RAPSN: variants seen among roughly 807,000 people sequenced by gnomAD.
RAPSN encodes the protein 43 kDa receptor-associated protein of the synapse.
In RAPSN, 33 loss-of-function variants were observed where a neutral mutation model predicts 45.7. The ratio of observed to expected loss-of-function variants is 0.72; its 90% CI spans 0.55 to 0.97. The LOEUF is 0.97. Among genes scored for constraint, RAPSN ranks in the 50% least tolerant of loss-of-function variants. RAPSN has a pLI of 0.00. For synonymous variants in RAPSN, 244 were observed against 233.6 expected (o/e 1.04, Z -0.40); for missense variants, 519 against 559.4 (o/e 0.93, Z 0.73).
intron 2 of RAPSN, among the ~76,000 whole-genome samples, chr11:47,447,430 T>G (rs1458489176): frequency 6.6e-6 from 1 of 152,212 alleles, no homozygotes; most frequent in Non-Finnish European, 1.5e-5. Context: ...ATTTGATGAC[T>G]GACTCCATAC....
chr11:47,438,194 C>CA (rs1759154685), intron 7 of RAPSN, 147 bp from the exon 8 acceptor site: 1 of 964,412 alleles, frequency 1.0e-6, no homozygotes, highest in African/African-American at 1.6e-5. Context: ...ACGGTCCCCC[C>CA]AGGCTCCCAC....
intron 6 of RAPSN, among the ~76,000 whole-genome samples, 189 bp downstream of exon 6, chr11:47,440,970 C>T (rs1238163479): frequency 6.6e-6 from 1 of 152,200 alleles, no homozygotes; most frequent in African/African-American, 2.4e-5. Flanking sequence ...AGCTATGAAA[C>T]TTCTGCCCTG....
In RAPSN at chr11:47,448,953, G is replaced by C. The variant is rs765677423; in HGVS notation, c.12C>G (p.Asp4Glu). MGQ[D>E]QTKQQIEKGL... ...CCTTCTCGATCTGCTGCTTGGTCTG[G>C]TCCTGCCCCATCCTCCCCAAGCCCT... The change falls in exon 1 of 8, where the codon GAC becomes GAG. Residue 4 changes from aspartate (D) to glutamate (E), a missense_variant. Physicochemically the swap from Asp to Glu is conservative, Grantham distance 45. Transcript: ENST00000298854. 6.2e-7 allele frequency: 1 copy of C among 1,614,230 alleles called. No homozygotes were observed. Among genetic ancestry groups the C allele is most frequent in the South Asian group, 1.1e-5 (1 of 91,086 alleles).
intron 1 of RAPSN, 73 bp from the exon 2 acceptor site, chr11:47,448,223 GCTCAGAC>G: frequency 1.2e-5 from 19 of 1,520,308 alleles, no homozygotes; most frequent in African/African-American, 2.7e-5. Flanking sequence ...TGCACTGCAG[GCTCAGAC>G]CTGGAGGCCC....
rs1335659789 is a variant in RAPSN, at chr11:47,447,833, G to T, written c.510C>A (p.Gly170=). The change falls in exon 2 of 8, where the codon GGC becomes GGA. Residue 170 remains glycine (G), a synonymous_variant. Coordinates refer to ENST00000298854, the MANE Select transcript of RAPSN (RefSeq NM_005055.5). ...CCACCTTGACCTGGGCATAGAAGCT[G>T]CCCAGGCTGCAGCACACGCGGCACT... ...MLECRVCCSL[G]SFYAQVKDYE... is the part of the protein sequence containing the mutation. 1.9e-6 allele frequency: 3 copies of T among 1,612,920 alleles called. No individual in the cohort carries two copies.
At chr11:47,444,621 G>A (rs1042238026) in intron 2 of RAPSN, among the ~76,000 whole-genome samples, 1 of 151,816 alleles carries the variant, frequency 6.6e-6, no homozygotes, top group African/African-American at 2.4e-5. Flanking sequence ...CACTTTGGGA[G>A]GCCAAGATGG....
In RAPSN at chr11:47,441,645, G is replaced by T. The variant is rs867138387; in HGVS notation, c.878C>A (p.Ala293Asp). Reference sequence around the variant, plus strand: ...CGCCTTCCTGGCCACCCAGCACTTGGCCACACCCAGCAGCGCCTGCACCTG... The same window carrying T: ...CGCCTTCCTGGCCACCCAGCACTTGTCCACACCCAGCAGCGCCTGCACCTG... Reference protein sequence around the residue: ...LGQVQALLGVAKCWVARKALD... With the variant: ...LGQVQALLGVDKCWVARKALD... The change falls in exon 5 of 8, where the codon GCC (alanine) becomes GAC (aspartate). Residue 293 changes from alanine (A) to aspartate (D), a missense_variant. Physicochemically the swap from Ala to Asp is moderately radical, Grantham distance 126. Coordinates refer to ENST00000298854, the MANE Select transcript of RAPSN (RefSeq NM_005055.5). 1 of 1,608,890 alleles carries T rather than the reference G, an allele frequency of 6.2e-7. No homozygotes were observed. The highest frequency in any genetic ancestry group is 1.3e-5 in the African/African-American group (1 of 75,040).
intron 6 of RAPSN, 96 bp from the exon 7 acceptor site, chr11:47,439,027 G>C: frequency 7.3e-7 from 1 of 1,369,330 alleles, no homozygotes; most frequent in Non-Finnish European, 1.0e-6. Context: ...CTTGCTGATG[G>C]ACCTTGGAAA....
chr11:47,438,689 A>C, intron 7 of RAPSN, 43 bp downstream of exon 7: 8 of 1,547,996 alleles, frequency 5.2e-6, no homozygotes, highest in African/African-American at 1.4e-5. Context: ...AGTGCCCCGA[A>C]GAGATCCTGC....
chr11:47,441,564 G>C (rs374717302), intron 5 of RAPSN, 47 bp downstream of exon 5: 124 of 1,599,350 alleles, frequency 7.8e-5, no homozygotes, highest in Non-Finnish European at 9.5e-5. Context: ...GGCCCCAAGT[G>C]GGGAGTGCTG....
At chr11:47,442,609 G>A in intron 3 of RAPSN, 47 bp downstream of exon 3, 1 of 1,597,784 alleles carries the variant, frequency 6.3e-7, no homozygotes. Flanking sequence ...CCAGCCCCTG[G>A]CCCACACCAC....
chr11:47,442,615 A>G (rs1050501508), intron 3 of RAPSN, 41 bp downstream of exon 3: 1 of 1,604,626 alleles, frequency 6.2e-7, no homozygotes, highest in Non-Finnish European at 8.5e-7. Flanking sequence ...CCTGGCCCAC[A>G]CCACCTCATC....
intron 1 of RAPSN, 96 bp from the exon 2 acceptor site, chr11:47,448,246 C>A: frequency 7.7e-7 from 1 of 1,301,432 alleles, no homozygotes; most frequent in Non-Finnish European, 1.1e-6. Context: ...GGCCCCACAC[C>A]CACCCCCCAG....
At chr11:47,447,670 T>C in intron 2 of RAPSN, 142 bp downstream of exon 2, 2 of 1,013,062 alleles carry the variant, frequency 2.0e-6, no homozygotes, top group Non-Finnish European at 2.9e-6. Flanking sequence ...CCTTCCTGGA[T>C]AAGCCTTTTT....
intron 6 of RAPSN, among the ~76,000 whole-genome samples, chr11:47,439,929 T>C (rs7119556): frequency 0.62 from 94,790 of 151,730 alleles, 31,038 homozygotes; most frequent in South Asian, 0.78. Context: ...GTCAGGCTGA[T>C]CTCAGGTGAT....
intron 5 of RAPSN, 21 bp downstream of exon 5, chr11:47,441,590 G>A (rs1411894603): frequency 5.6e-6 from 9 of 1,602,708 alleles, no homozygotes; most frequent in South Asian, 1.1e-5. Context: ...GCTGGAGGCT[G>A]TGGGAAAGGC....
chr11:47,442,513 C>T (rs544122722), intron 3 of RAPSN, 143 bp downstream of exon 3: 123 of 884,324 alleles, frequency 1.4e-4, no homozygotes, highest in Non-Finnish European at 2.0e-4. Flanking sequence ...TGGTGGTGCA[C>T]GCCTTTAGAG....
At chr11:47,448,207 C>G (rs1016543875) in intron 1 of RAPSN, 57 bp from the exon 2 acceptor site, 2 of 1,569,410 alleles carry the variant, frequency 1.3e-6, no homozygotes, top group African/African-American at 2.7e-5. Flanking sequence ...GCCTTGGACC[C>G]CAGCCTGCAC....
At chr11:47,445,927 G>A (rs901356148) in intron 2 of RAPSN, among the ~76,000 whole-genome samples, 1 of 151,758 alleles carries the variant, frequency 6.6e-6, no homozygotes, top group Non-Finnish European at 1.5e-5. Flanking sequence ...CCCACACTTG[G>A]GCTTTTTTTT....
Sources: gnomAD v4.1 joint callset for allele counts (sites outside exome capture counted in the v4.1 genomes callset) on GRCh38, gnomAD v4.1.1 for gene constraint, MANE v1.5 for transcripts, NCBI Gene and HGNC (gene_info 2026-07-23, HGNC 2026-07-21) for gene names.